The following SLC45A3 variants were observed in gnomAD, a reference collection of about 807,000 sequenced individuals.
SLC45A3 encodes the protein solute carrier family 45 member 3.
Under a neutral mutation model 35.3 loss-of-function variants are expected in SLC45A3, and 17 were observed. The observed-to-expected ratio is 0.48, with a 90% CI of 0.33 to 0.72. The LOEUF (loss-of-function observed/expected upper bound fraction) is 0.72, where lower values mean the gene tolerates loss of function less well. Among genes scored for constraint, SLC45A3 ranks in the 30% least tolerant of loss-of-function variants. SLC45A3 has a pLI of 0.02. For synonymous variants in SLC45A3, 288 were observed against 334.3 expected, an observed-to-expected ratio of 0.86 and a Z score of 1.51; for missense variants, 597 against 731.7, an observed-to-expected ratio of 0.82 and a Z score of 2.12.
Position 205,662,092 on chromosome 1 carries a change from C to A in SLC45A3, c.993G>T (p.Gln331His). Reference protein sequence around the residue: ...VRMGSLGLFLQCAISLVFSLV... With the variant: ...VRMGSLGLFLHCAISLVFSLV... ...GAGAGAAGACCAGGGAGATGGCGCACTGCAGGAACAGCCCCAGGCTGCCCA... is the reference window on the plus strand; with the variant it reads ...GAGAGAAGACCAGGGAGATGGCGCAATGCAGGAACAGCCCCAGGCTGCCCA... Residue 331 changes from glutamine to histidine, a missense_variant, in exon 4 of 5, where the codon CAG (glutamine) becomes CAT (histidine). This residue lies in a region of SLC45A3 where 555 missense variants were observed against 664.9 expected (regional missense o/e 0.83). Coordinates refer to ENST00000367145, the MANE Select transcript of SLC45A3 (RefSeq NM_033102.3). This position sits in a 1 kb window ranked among gnomAD's most constrained non-coding sequence, Gnocchi z 6.2. The A allele has an allele frequency of 1.2e-6, 2 of 1,614,016 alleles. No homozygotes were observed. Among genetic ancestry groups the A allele is most frequent in the Non-Finnish European group, 1.7e-6 (2 of 1,179,960 alleles).
At chr1:205,674,160 T>C (rs1429112948) in intron 1 of SLC45A3, among the ~76,000 whole-genome samples, 2 of 149,692 alleles carry the variant, frequency 1.3e-5, no homozygotes, top group Non-Finnish European at 3.0e-5. Context: ...GGAATGGCCA[T>C]GTTGCTTAGC....
chr1:205,662,404 G>A lies in SLC45A3; in HGVS notation c.959-278C>T. ...AGCTGTGAGGACAGGCGGGTGAGAG[G>A]GAACACAAAGACAGCTGGCCATAGG... On this transcript the variant is annotated intron_variant, in intron 3 of 4. Coordinates refer to ENST00000367145, the MANE Select transcript of SLC45A3 (RefSeq NM_033102.3). This position sits in a 1 kb window ranked among gnomAD's most constrained non-coding sequence, Gnocchi z 6.2. 1 of 1,361,108 alleles carries A rather than the reference G, an allele frequency of 7.3e-7. No homozygotes were observed. Among genetic ancestry groups the A allele is most frequent in the Non-Finnish European group, 9.4e-7 (1 of 1,059,796 alleles). 84.3% of individuals were successfully genotyped at this position (1,361,108 alleles called of 1,614,324 possible).
At chr1:205,671,797 T>C (rs1469568691) in intron 1 of SLC45A3, among the ~76,000 whole-genome samples, 1 of 150,994 alleles carries the variant, frequency 6.6e-6, no homozygotes, top group East Asian at 1.9e-4. Flanking sequence ...AACCGGGAGG[T>C]CAAGGTTGCA....
In SLC45A3 at chr1:205,662,735, G is replaced by A. The variant is rs562442386; in HGVS notation, c.958+98C>T. ...TCCCCACTTTCCTGACAGAGAAGTC[G>A]GGGCCAGGATGGAGAGGCACCAGCC... On this transcript the variant is annotated intron_variant, in intron 3 of 4. Coordinates refer to ENST00000367145, the MANE Select transcript of SLC45A3 (RefSeq NM_033102.3). The surrounding 1 kb of genome is among the most constrained non-coding windows in gnomAD (Gnocchi z 6.2). 647 of 1,489,846 alleles carry A rather than the reference G, an allele frequency of 4.3e-4. 2 individuals carry two copies. The highest frequency in any genetic ancestry group is 4.7e-4 in the Non-Finnish European group (531 of 1,124,200). The allele number at this position is 1,489,846 out of a possible 1,614,324, so 92.3% of individuals were successfully genotyped here.
In SLC45A3 at chr1:205,659,815, A is replaced by T; in HGVS notation, c.1225-144T>A. 1.3e-6 allele frequency: 1 copy of T among 781,558 alleles called. No individual in the cohort carries two copies. The highest frequency in any genetic ancestry group is 2.5e-5 in the South Asian group (1 of 40,638). The allele number at this position is 781,558 out of a possible 1,614,324, so 48.4% of individuals were successfully genotyped here. A position where few individuals can be genotyped will look rare whatever the true frequency, so the allele number is the denominator to read the frequency against. Reference sequence around the variant, plus strand: ...ATCAGGAGCAGGAGAGAAGATGGAGACCCTACTTGGTCCAAGTCTAACCAG... The same window carrying T: ...ATCAGGAGCAGGAGAGAAGATGGAGTCCCTACTTGGTCCAAGTCTAACCAG... On this transcript the variant is annotated intron_variant, in intron 4 of 4. Coordinates refer to ENST00000367145, the MANE Select transcript of SLC45A3 (RefSeq NM_033102.3). This position sits in a 1 kb window ranked among gnomAD's most constrained non-coding sequence, Gnocchi z 5.8.
At chr1:205,667,400 G>A (rs896378553) in intron 1 of SLC45A3, among the ~76,000 whole-genome samples, 32 of 151,196 alleles carry the variant, frequency 2.1e-4, no homozygotes, top group African/African-American at 7.3e-4. Flanking sequence ...CCAGCTACTC[G>A]GGAGGCTGAA....
chr1:205,679,888 A>T (rs988911181), intron 1 of SLC45A3, among the ~76,000 whole-genome samples: 2 of 151,968 alleles, frequency 1.3e-5, no homozygotes, highest in Admixed American at 6.5e-5. Context: ...GGCTCCCCCA[A>T]GTCCCGGACT....
chr1:205,659,779 A>T lies in SLC45A3; in HGVS notation c.1225-108T>A, dbSNP rs1670987587. 4.9e-6 allele frequency: 5 copies of T among 1,020,998 alleles called. No individual in the cohort carries two copies. The highest frequency in any genetic ancestry group is 4.1e-6 in the Non-Finnish European group (3 of 726,364). The allele number at this position is 1,020,998 out of a possible 1,614,324, so 63.2% of individuals were successfully genotyped here. ...TTGCCTCCATCCCAGGGGCAATGGG[A>T]CTTCATGAGAATCAGGAGCAGGAGA... On this transcript the variant is annotated intron_variant, in intron 4 of 4. Transcript: ENST00000367145. This position sits in a 1 kb window ranked among gnomAD's most constrained non-coding sequence, Gnocchi z 5.8.
Position 205,659,226 on chromosome 1 carries a change from G to A in SLC45A3, c.*8C>T. On this transcript the variant is annotated 3_prime_UTR_variant, in exon 5 of 5. Coordinates refer to ENST00000367145, the MANE Select transcript of SLC45A3 (RefSeq NM_033102.3). This position sits in a 1 kb window ranked among gnomAD's most constrained non-coding sequence, Gnocchi z 5.8. The stretch of plus-strand genomic sequence containing the variant: ...GCAGGCCCTCCACCCCAATGTGCTG[G>A]AAGTTTTCTACGCTGAGTATTTGGC... 1.3e-6 allele frequency: 2 copies of A among 1,598,252 alleles called. No individual in the cohort carries two copies. Among genetic ancestry groups the A allele is most frequent in the South Asian group, 2.3e-5 (2 of 88,094 alleles).
intron 1 of SLC45A3, among the ~76,000 whole-genome samples, chr1:205,671,341 GC>G (rs1671211588): frequency 6.6e-6 from 1 of 152,280 alleles, no homozygotes; most frequent in South Asian, 2.1e-4. Context: ...CACTGGGCAT[GC>G]CCTCCAAACC....
chr1:205,669,829 C>T lies in SLC45A3; in HGVS notation c.-230-4943G>A, dbSNP rs982149727. On this transcript the variant is annotated intron_variant, in intron 1 of 4. Coordinates refer to ENST00000367145, the MANE Select transcript of SLC45A3 (RefSeq NM_033102.3). This position sits in a 1 kb window ranked among gnomAD's most constrained non-coding sequence, Gnocchi z 4.1. ...GGAATAATGACTCAGCTGAGGAAAG[C>T]GGGTGGGGTCACCCTGGGCCAACCT... is the stretch of plus-strand genomic sequence containing the variant. Among the ~76,000 whole-genome samples, 20 of 152,318 alleles carry T rather than the reference C, an allele frequency of 1.3e-4. No individual in the cohort carries two copies. The highest frequency in any genetic ancestry group is 8.5e-4 in the Admixed American group (13 of 15,308).
At chr1:205,661,146 C>T (rs1671015299) in intron 4 of SLC45A3, among the ~76,000 whole-genome samples, 1 of 152,122 alleles carries the variant, frequency 6.6e-6, no homozygotes, top group Non-Finnish European at 1.5e-5. Context: ...ACCACACTAC[C>T]TGGGTTAGGT....
chr1:205,661,498 T>C (rs1297245354), intron 4 of SLC45A3, among the ~76,000 whole-genome samples: 1 of 152,158 alleles, frequency 6.6e-6, no homozygotes, highest in East Asian at 1.9e-4. Flanking sequence ...TCCCGTCTGC[T>C]GAGGCTGAAT....
rs748340069 is a variant in SLC45A3, at chr1:205,664,537, C to A, written c.120G>T (p.Pro40=). ...CTACCCCCACTTCCAGCAGCAGAGG[C>A]GGCACATAGGTGATGCCTGCGGCCA... The part of the protein sequence containing the change: ...VCLAAGITYV[P]PLLLEVGVEE... The change falls in exon 2 of 5, where the codon CCG becomes CCT. Residue 40 remains proline, a synonymous_variant. Transcript: ENST00000367145. This position sits in a 1 kb window ranked among gnomAD's most constrained non-coding sequence, Gnocchi z 5.3. 3.7e-6 allele frequency: 6 copies of A among 1,614,198 alleles called. No individual in the cohort carries two copies. The highest frequency in any genetic ancestry group is 5.1e-6 in the Non-Finnish European group (6 of 1,180,024).
Position 205,664,898 on chromosome 1 carries a change from G to T in SLC45A3, c.-230-12C>A. ...TCATCACTCAGATCCTAGAAGGGCGGGGCAATCACAAGCACACGGGGTGTT... is the reference window on the plus strand; with the variant it reads ...TCATCACTCAGATCCTAGAAGGGCGTGGCAATCACAAGCACACGGGGTGTT... On this transcript the variant is annotated splice_polypyrimidine_tract_variant and intron_variant, in intron 1 of 4. Transcript: ENST00000367145. The surrounding 1 kb of genome is among the most constrained non-coding windows in gnomAD (Gnocchi z 5.3). 1 of 1,355,772 alleles carries T rather than the reference G, an allele frequency of 7.4e-7. No individual in the cohort carries two copies. Among genetic ancestry groups the T allele is most frequent in the East Asian group, 2.8e-5 (1 of 35,540 alleles). The allele number at this position is 1,355,772 out of a possible 1,614,324, so 84.0% of individuals were successfully genotyped here.
rs1417981634 is a variant in SLC45A3, at chr1:205,658,958, T to C, written c.*276A>G. 2.3e-6 allele frequency: 1 copy of C among 440,914 alleles called. No individual in the cohort carries two copies. Among genetic ancestry groups the C allele is most frequent in the Non-Finnish European group, 4.1e-6 (1 of 246,030 alleles). 27.3% of individuals were successfully genotyped at this position (440,914 alleles called of 1,614,324 possible). Reference sequence around the variant, plus strand: ...TGCAGAGTCCCCGCATTCCAGTGCATGGAGCCCTTCTGGCCTCCCTGTATA... The same window carrying C: ...TGCAGAGTCCCCGCATTCCAGTGCACGGAGCCCTTCTGGCCTCCCTGTATA... On this transcript the variant is annotated 3_prime_UTR_variant, in exon 5 of 5. Coordinates refer to ENST00000367145, the MANE Select transcript of SLC45A3 (RefSeq NM_033102.3).
chr1:205,664,487 A>G lies in SLC45A3; in HGVS notation c.170T>C (p.Leu57Pro). The G allele has an allele frequency of 6.2e-7, 1 of 1,614,150 alleles. No individual in the cohort carries two copies. Among genetic ancestry groups the G allele is most frequent in the South Asian group, 1.1e-5 (1 of 91,084 alleles). The change falls in exon 2 of 5, where the codon CTG (leucine) becomes CCG (proline). Residue 57 changes from leucine to proline, a missense_variant and splice_region_variant. Coordinates refer to ENST00000367145, the MANE Select transcript of SLC45A3 (RefSeq NM_033102.3). This position sits in a 1 kb window ranked among gnomAD's most constrained non-coding sequence, Gnocchi z 5.3. ...GGAAGGAGGATGTAGTGACTCACCCAGCACCATGGTCATGAACTTCTCCTC... is the reference window on the plus strand; with the variant it reads ...GGAAGGAGGATGTAGTGACTCACCCGGCACCATGGTCATGAACTTCTCCTC... ...GVEEKFMTMV[L>P]GIGPVLGLVC...
At chr1:205,667,128 G>A (rs531947076) in intron 1 of SLC45A3, among the ~76,000 whole-genome samples, 67 of 152,152 alleles carry the variant, frequency 4.4e-4, no homozygotes, top group Non-Finnish European at 8.8e-4. Flanking sequence ...CAGCACTTTG[G>A]GAGGCTGGAG....
Position 205,663,406 on chromosome 1 carries a change from C to G in SLC45A3, c.385G>C (p.Val129Leu). 1 of 1,613,296 alleles carries G rather than the reference C, an allele frequency of 6.2e-7. No homozygotes were observed. The highest frequency in any genetic ancestry group is 8.5e-7 in the Non-Finnish European group (1 of 1,179,944). ...PLELALLILGVGLLDFCGQVC... is the reference protein window; with the variant it reads ...PLELALLILGLGLLDFCGQVC... Reference sequence around the variant, plus strand: ...TGGCCACAGAAGTCCAGCAGCCCCACGCCCAGGATGAGCAGTGCCAGCTCC... The same window carrying G: ...TGGCCACAGAAGTCCAGCAGCCCCAGGCCCAGGATGAGCAGTGCCAGCTCC... The change falls in exon 3 of 5, where the codon GTG (valine) becomes CTG (leucine). Residue 129 changes from valine (V) to leucine (L), a missense_variant. Transcript: ENST00000367145.
Sources: gnomAD v4.1 joint callset for allele counts (sites outside exome capture counted in the v4.1 genomes callset) on GRCh38, gnomAD v4.1.1 for gene constraint, gnomAD v4.1.1 regional missense constraint, Gnocchi (gnomAD v3.1) non-coding constraint, MANE v1.5 for transcripts, NCBI Gene and HGNC (gene_info 2026-07-23, HGNC 2026-07-21) for gene names.